The following ASTN2 variants were observed in gnomAD, a reference collection of about 807,000 sequenced individuals.
The protein encoded by ASTN2 is astrotactin-2.
A neutral mutation model predicts 139.8 loss-of-function variants in ASTN2; 54 were observed. The ratio of observed to expected loss-of-function variants is 0.39; its 90% CI spans 0.31 to 0.48. The LOEUF is 0.48. Ranked by LOEUF, ASTN2 falls within the 20% of genes least tolerant of loss-of-function variation. The pLI, the probability that ASTN2 is intolerant of heterozygous loss-of-function variation, is 0.95. For missense variants in ASTN2, 1,565 were observed against 1,725.1 expected (o/e 0.91, Z 1.64); for synonymous variants, 756 against 719.5 (o/e 1.05, Z -0.81).
At chr9:116,521,574 T>C (rs1318915517) in intron 19 of ASTN2, among the ~76,000 whole-genome samples, 15 of 152,102 alleles carry the variant, frequency 9.9e-5, no homozygotes, top group Admixed American at 9.8e-4. Flanking sequence ...AGAAAAACCT[T>C]TCTGGAAATT....
intron 11 of ASTN2, among the ~76,000 whole-genome samples, chr9:116,854,974 C>CCCCCG (rs892808740): frequency 2.6e-5 from 4 of 151,684 alleles, no homozygotes; most frequent in African/African-American, 9.7e-5. Context: ...ATTCCCCCCC[C>CCCCCG]ACCATTATTT....
intron 10 of ASTN2, among the ~76,000 whole-genome samples, chr9:116,935,457 C>T (rs755772928): frequency 2.0e-5 from 3 of 152,092 alleles, no homozygotes; most frequent in South Asian, 2.1e-4. Flanking sequence ...ATAGAAGACA[C>T]TCAGTAAATG....
intron 10 of ASTN2, among the ~76,000 whole-genome samples, chr9:116,926,482 A>C (rs1834758938): frequency 6.6e-6 from 1 of 152,000 alleles, no homozygotes; most frequent in Admixed American, 6.6e-5. Flanking sequence ...ATCGAGTTCC[A>C]TTTCAACCTC....
intron 1 of ASTN2, among the ~76,000 whole-genome samples, chr9:117,405,731 T>A (rs1830964866): frequency 6.6e-6 from 1 of 152,344 alleles, no homozygotes; most frequent in Non-Finnish European, 1.5e-5. Flanking sequence ...TATTTGATAA[T>A]CCTGGAACCA....
chr9:116,975,484 T>C lies in ASTN2; in HGVS notation c.1752-139A>G, dbSNP rs182781349. 7.6e-5 allele frequency: 61 copies of C among 807,882 alleles called. No individual in the cohort carries two copies. The African/African-American group carries it at 9.6e-4, about 13-fold the overall frequency. 50.0% of individuals were successfully genotyped at this position (807,882 alleles called of 1,614,324 possible). A position where few individuals can be genotyped will look rare whatever the true frequency, so the allele number is the denominator to read the frequency against. On this transcript the variant is annotated intron_variant, in intron 9 of 22. Coordinates refer to ENST00000313400, the MANE Select transcript of ASTN2 (RefSeq NM_001365068.1). ...CCCCAGCATTATTTAAGGAACAATG[T>C]TGGCCAACTTTCTCCAGACCTGGAT...
intron 10 of ASTN2, among the ~76,000 whole-genome samples, chr9:116,903,818 C>G (rs1341800684): frequency 6.6e-6 from 1 of 152,142 alleles, no homozygotes; most frequent in Non-Finnish European, 1.5e-5. Flanking sequence ...TCCAAAAAGG[C>G]CTGTTTACCT....
intron 10 of ASTN2, among the ~76,000 whole-genome samples, chr9:116,944,935 T>C (rs1009269056): frequency 1.3e-5 from 2 of 152,076 alleles, no homozygotes; most frequent in African/African-American, 4.8e-5. Context: ...AGATATGAAT[T>C]GTTGCTTATA....
intron 2 of ASTN2, among the ~76,000 whole-genome samples, chr9:117,231,343 C>T (rs1353505936): frequency 6.6e-6 from 1 of 152,180 alleles, no homozygotes; most frequent in South Asian, 2.1e-4. Flanking sequence ...CCTGACTAGT[C>T]CTTCTTATTT....
At chr9:117,132,550 G>A (rs1564442165) in intron 4 of ASTN2, among the ~76,000 whole-genome samples, 2 of 152,102 alleles carry the variant, frequency 1.3e-5, no homozygotes, top group South Asian at 2.1e-4. Context: ...GCCCCCTGAT[G>A]TATTTCAGAT....
intron 12 of ASTN2, among the ~76,000 whole-genome samples, chr9:116,817,063 G>C (rs375830100): frequency 1.3e-5 from 2 of 152,174 alleles, no homozygotes; most frequent in East Asian, 3.9e-4. Flanking sequence ...GGGAGGATGA[G>C]GTGGGCAGAT....
chr9:117,268,255 G>A (rs1361991727), intron 2 of ASTN2, among the ~76,000 whole-genome samples: 1 of 152,156 alleles, frequency 6.6e-6, no homozygotes. Context: ...AACAGTGGTC[G>A]ATATCAGGTG....
At chr9:116,686,341 C>T (rs1210705171) in intron 16 of ASTN2, among the ~76,000 whole-genome samples, 1 of 152,174 alleles carries the variant, frequency 6.6e-6, no homozygotes, top group Non-Finnish European at 1.5e-5. Context: ...ACCTGAAGTC[C>T]TCAGCTGTAG....
chr9:117,083,914 G>T (rs1828494490), intron 5 of ASTN2, among the ~76,000 whole-genome samples: 1 of 152,028 alleles, frequency 6.6e-6, no homozygotes, highest in Non-Finnish European at 1.5e-5. Flanking sequence ...ACCATCATGG[G>T]CTGGAGGAGG....
chr9:117,119,801 C>T (rs10983534), intron 4 of ASTN2, among the ~76,000 whole-genome samples: 12,657 of 151,578 alleles, frequency 0.084, 956 homozygotes, highest in East Asian at 0.18. Context: ...CAATGTGACA[C>T]GCATGTTATC....
At chr9:117,319,421 G>A (rs12342325) in intron 1 of ASTN2, among the ~76,000 whole-genome samples, 6,713 of 152,048 alleles carry the variant, frequency 0.044, 486 homozygotes, top group African/African-American at 0.15. Flanking sequence ...TACTTCACAA[G>A]GCATTAATAT....
At chr9:116,760,815 G>T (rs1309820067) in intron 13 of ASTN2, among the ~76,000 whole-genome samples, 6 of 151,968 alleles carry the variant, frequency 3.9e-5, no homozygotes, top group African/African-American at 1.2e-4. Flanking sequence ...ATGCAAATCT[G>T]CACTTCCTTC....
At chr9:117,054,672 C>T (rs1326585863) in intron 5 of ASTN2, among the ~76,000 whole-genome samples, 1 of 152,184 alleles carries the variant, frequency 6.6e-6, no homozygotes, top group African/African-American at 2.4e-5. Flanking sequence ...TGTACATAGA[C>T]TGGAGTGGTG....
At chr9:117,412,261 C>T (rs966992648) in intron 1 of ASTN2, among the ~76,000 whole-genome samples, 1 of 152,122 alleles carries the variant, frequency 6.6e-6, no homozygotes, top group Non-Finnish European at 1.5e-5. Flanking sequence ...AACCCAATCC[C>T]CCGCATGCAT....
intron 5 of ASTN2, among the ~76,000 whole-genome samples, chr9:117,078,263 T>C (rs182959177): frequency 9.0e-4 from 137 of 152,290 alleles, no homozygotes; most frequent in African/African-American, 3.1e-3. Flanking sequence ...AGGAAGAAAA[T>C]TTTAAAAAAT....
Sources: gnomAD v4.1 joint callset for allele counts (sites outside exome capture counted in the v4.1 genomes callset) on GRCh38, gnomAD v4.1.1 for gene constraint, MANE v1.5 for transcripts, NCBI Gene and HGNC (gene_info 2026-07-23, HGNC 2026-07-21) for gene names.